CDH12: variants seen among roughly 807,000 people sequenced by gnomAD.
CDH12 encodes cadherin 12.
A neutral mutation model predicts 74.1 loss-of-function variants in CDH12; 41 were observed. That is an observed-to-expected ratio of 0.55 (90% CI 0.43 to 0.72). CDH12 has a LOEUF of 0.72. Ranked by LOEUF, CDH12 falls within the 30% of genes least tolerant of loss-of-function variation. The pLI, the probability that CDH12 is intolerant of heterozygous loss-of-function variation, is 0.00. For synonymous variants in CDH12, 399 were observed against 355.0 expected, an observed-to-expected ratio of 1.12 and a Z score of -1.39; for missense variants, 945 against 977.2, an observed-to-expected ratio of 0.97 and a Z score of 0.44.
At chr5:22,481,976 T>C (rs1300476708) in intron 2 of CDH12, among the ~76,000 whole-genome samples, 1 of 152,184 alleles carries the variant, frequency 6.6e-6, no homozygotes, top group Non-Finnish European at 1.5e-5. Context: ...TGTATTTTAG[T>C]ATATCAATTA....
intron 3 of CDH12, among the ~76,000 whole-genome samples, chr5:22,398,309 C>T (rs1286947278): frequency 1.3e-5 from 2 of 152,068 alleles, no homozygotes; most frequent in African/African-American, 4.8e-5. Context: ...CAGGATTTGT[C>T]ATTATTAGTT....
intron 1 of CDH12, among the ~76,000 whole-genome samples, chr5:22,638,300 G>C (rs1250207516): frequency 6.6e-6 from 1 of 152,210 alleles, no homozygotes; most frequent in African/African-American, 2.4e-5. Context: ...AAGTAGGGAA[G>C]CTGACAGTGC....
chr5:22,112,371 C>T (rs950649493), intron 4 of CDH12, among the ~76,000 whole-genome samples: 5 of 152,028 alleles, frequency 3.3e-5, no homozygotes, highest in African/African-American at 1.2e-4. Context: ...TGTATACATA[C>T]GCACACACAT....
At chr5:21,937,641 G>A (rs1755133563) in intron 6 of CDH12, among the ~76,000 whole-genome samples, 1 of 152,316 alleles carries the variant, frequency 6.6e-6, no homozygotes, top group South Asian at 2.1e-4. Context: ...GAGCAGTAAA[G>A]AGTTCAGCCC....
chr5:22,084,858 G>A (rs1742964799), intron 4 of CDH12, among the ~76,000 whole-genome samples: 1 of 152,132 alleles, frequency 6.6e-6, no homozygotes, highest in African/African-American at 2.4e-5. Flanking sequence ...TAAATTACAA[G>A]GAAAAACTAT....
At chr5:21,821,188 G>A (rs1003570459) in intron 8 of CDH12, among the ~76,000 whole-genome samples, 1 of 151,624 alleles carries the variant, frequency 6.6e-6, no homozygotes, top group Non-Finnish European at 1.5e-5. Context: ...TGTGTCGGGC[G>A]GGGAGAGTGG....
At chr5:21,950,766 A>T (rs1226561047) in intron 6 of CDH12, among the ~76,000 whole-genome samples, 12 of 88,198 alleles carry the variant, frequency 1.4e-4, no homozygotes, top group Non-Finnish European at 8.2e-5. Flanking sequence ...TTTTATTATT[A>T]TTATTATTAT....
intron 1 of CDH12, among the ~76,000 whole-genome samples, chr5:22,657,184 C>T (rs527781588): frequency 1.3e-5 from 2 of 152,184 alleles, no homozygotes; most frequent in African/African-American, 2.4e-5. Flanking sequence ...ATTCTATTTA[C>T]GTGAAATGCA....
At chr5:21,781,117 C>A (rs1206017625) in intron 11 of CDH12, among the ~76,000 whole-genome samples, 1 of 152,122 alleles carries the variant, frequency 6.6e-6, no homozygotes, top group Non-Finnish European at 1.5e-5. Flanking sequence ...CAGAGGAAAC[C>A]TGCAATATAG....
At chr5:22,277,587 T>C (rs2150404345) in intron 3 of CDH12, among the ~76,000 whole-genome samples, 1 of 151,446 alleles carries the variant, frequency 6.6e-6, no homozygotes, top group Non-Finnish European at 1.5e-5. Flanking sequence ...AATCCCAACA[T>C]TTTGGGAGGC....
At chr5:22,417,579 T>C (rs1327850659) in intron 2 of CDH12, among the ~76,000 whole-genome samples, 1 of 152,226 alleles carries the variant, frequency 6.6e-6, no homozygotes. Context: ...ATCTTCATTC[T>C]TACAAATATC....
intron 5 of CDH12, among the ~76,000 whole-genome samples, chr5:21,996,210 C>G (rs915689456): frequency 1.4e-5 from 2 of 145,636 alleles, no homozygotes; most frequent in Admixed American, 7.2e-5. Context: ...GCTGGCCATT[C>G]TAGAGCTTTG....
At chr5:22,691,343 T>C (rs1742073758) in intron 1 of CDH12, among the ~76,000 whole-genome samples, 1 of 152,168 alleles carries the variant, frequency 6.6e-6, no homozygotes, top group African/African-American at 2.4e-5. Flanking sequence ...AGCTCATAGT[T>C]CACTATCCTT....
chr5:22,505,399 C>A, intron 1 of CDH12, 35 bp from the exon 2 acceptor site: 1 of 657,886 alleles, frequency 1.5e-6, no homozygotes, highest in Non-Finnish European at 1.9e-6. Flanking sequence ...AGAATGTTAA[C>A]TATCTTTTCT....
chr5:22,064,992 A>T (rs1476900792), intron 5 of CDH12, among the ~76,000 whole-genome samples: 5 of 152,200 alleles, frequency 3.3e-5, no homozygotes, highest in Non-Finnish European at 7.3e-5. Flanking sequence ...TGGAATGAGC[A>T]TGTTTGGGAA....
At position 22,482,330 on chromosome 5, in the gene CDH12, G is replaced by T. The variant is rs536543718; in HGVS notation, c.-428+22940C>A. Reference sequence around the variant, plus strand: ...AATCAGGTCTATAAAGGACCTCACAGCATGCTTGACATGTTAGCTGATCAT... The same window carrying T: ...AATCAGGTCTATAAAGGACCTCACATCATGCTTGACATGTTAGCTGATCAT... On this transcript the variant is annotated intron_variant, in intron 2 of 14. Transcript: ENST00000382254. Among the ~76,000 whole-genome samples, 10 of 152,186 alleles carry T rather than the reference G, an allele frequency of 6.6e-5. No homozygotes were observed. In the South Asian group the frequency reaches 1.9e-3, roughly 28 times the overall value.
chr5:22,735,905 T>C (rs1470619430), intron 1 of CDH12, among the ~76,000 whole-genome samples: 1 of 151,880 alleles, frequency 6.6e-6, no homozygotes, highest in Non-Finnish European at 1.5e-5. Context: ...TATAAGATAG[T>C]CTTTAAGAGA....
chr5:22,216,987 C>T (rs1356353441), intron 3 of CDH12, among the ~76,000 whole-genome samples: 1 of 151,686 alleles, frequency 6.6e-6, no homozygotes, highest in Admixed American at 6.6e-5. Context: ...TTCTTTCTAC[C>T]TAATTCAGAA....
chr5:21,988,827 C>T (rs1043476374), intron 5 of CDH12, among the ~76,000 whole-genome samples: 1 of 152,090 alleles, frequency 6.6e-6, no homozygotes, highest in Non-Finnish European at 1.5e-5. Context: ...TAAAACTTCA[C>T]AAGCTTTTGG....
Sources: allele counts gnomAD v4.1 joint callset (sites outside exome capture counted in the v4.1 genomes callset), GRCh38; gene constraint gnomAD v4.1.1; transcripts MANE v1.5; gene names NCBI Gene and HGNC (gene_info 2026-07-23, HGNC 2026-07-21).